The following ANKAR variants were observed in gnomAD, a reference collection of about 807,000 sequenced individuals.
ANKAR encodes the protein ankyrin and armadillo repeat containing.
In ANKAR, 136 loss-of-function variants were observed where a neutral mutation model predicts 146.2. The observed-to-expected ratio is 0.93, with a 90% CI of 0.81 to 1.07. ANKAR has a LOEUF of 1.07. Among genes scored for constraint, ANKAR ranks in the 50% least tolerant of loss-of-function variants. ANKAR has a pLI of 0.00. For synonymous variants in ANKAR, 500 were observed against 575.8 expected, an observed-to-expected ratio of 0.87 and a Z score of 1.88; for missense variants, 1,567 against 1,679.9, an observed-to-expected ratio of 0.93 and a Z score of 1.18.
chr2:189,733,247 T>C lies in ANKAR; in HGVS notation c.3423+18T>C. Reference sequence around the variant, plus strand: ...CAGAAAAGGTAATACCTTTACAAAATATTGAGGTTCATTTTGAAAAAAATG... The same window carrying C: ...CAGAAAAGGTAATACCTTTACAAAACATTGAGGTTCATTTTGAAAAAAATG... On this transcript the variant is annotated intron_variant, in intron 17 of 22. Transcript: ENST00000684021. The C allele has an allele frequency of 1.3e-6, 2 of 1,562,900 alleles. No homozygotes were observed. Among genetic ancestry groups the C allele is most frequent in the Non-Finnish European group, 1.7e-6 (2 of 1,156,472 alleles).
chr2:189,743,987 C>T (rs1219147873), intron 21 of ANKAR, among the ~76,000 whole-genome samples: 1 of 152,150 alleles, frequency 6.6e-6, no homozygotes, highest in Non-Finnish European at 1.5e-5. Context: ...ACAAACTTAA[C>T]TCCCCCCAAA....
At chr2:189,686,480 A>C (rs1408480672) in intron 2 of ANKAR, among the ~76,000 whole-genome samples, 2 of 152,222 alleles carry the variant, frequency 1.3e-5, no homozygotes, top group African/African-American at 2.4e-5. Flanking sequence ...GAGTAAAATC[A>C]AGTTTTAATT....
At chr2:189,745,149 C>A (rs1384780953) in intron 22 of ANKAR, among the ~76,000 whole-genome samples, 4 of 151,940 alleles carry the variant, frequency 2.6e-5, no homozygotes, top group Non-Finnish European at 5.9e-5. Context: ...TGAGATCGCA[C>A]CACTGCACTC....
At chr2:189,684,958 A>T (rs905533235) in intron 2 of ANKAR, among the ~76,000 whole-genome samples, 8 of 151,920 alleles carry the variant, frequency 5.3e-5, no homozygotes, top group Non-Finnish European at 1.2e-4. Flanking sequence ...CTTTCCTATG[A>T]CTGTACATAT....
At chr2:189,753,666 C>T (rs1338515391) in intron 18 of ANKAR, among the ~76,000 whole-genome samples, 1 of 151,978 alleles carries the variant, frequency 6.6e-6, no homozygotes, top group African/African-American at 2.4e-5. Context: ...TATTGTAAGC[C>T]CTCTTTTAAA....
Position 189,676,671 on chromosome 2 carries a change from G to C in ANKAR, c.181G>C (p.Val61Leu), listed in dbSNP as rs866627832. The C allele has an allele frequency of 5.0e-6, 8 of 1,614,048 alleles. No individual in the cohort carries two copies. Among genetic ancestry groups the C allele is most frequent in the African/African-American group, 1.3e-5 (1 of 74,904 alleles). Residue 61 changes from valine (V) to leucine (L), a missense_variant, in exon 2 of 23, where the codon GTG becomes CTG. Val to Leu is a conservative substitution (Grantham distance 32). Transcript: ENST00000684021. ...LVSWLSAKED[V>L]RSQVDLPCGI... is the part of the protein sequence containing the mutation. ...TAGCTGGTTGTCTGCCAAAGAGGAT[G>C]TGCGCTCTCAAGTAGACCTCCCATG... is the stretch of plus-strand genomic sequence containing the variant.
chr2:189,717,483 TTGG>T (rs1342593275), intron 10 of ANKAR, among the ~76,000 whole-genome samples: 4 of 152,162 alleles, frequency 2.6e-5, no homozygotes, highest in Non-Finnish European at 4.4e-5. Flanking sequence ...TTTTACACTA[TTGG>T]TGGGAGTGTA....
At chr2:189,742,962 AC>A (rs2043578318) in intron 20 of ANKAR, among the ~76,000 whole-genome samples, 3 of 135,816 alleles carry the variant, frequency 2.2e-5, no homozygotes, top group African/African-American at 5.4e-5. Context: ...ACACACACAC[AC>A]ACACACACAC....
chr2:189,719,704 C>T lies in ANKAR; in HGVS notation c.2357C>T (p.Pro786Leu), dbSNP rs2041009249. The change falls in exon 11 of 23, where the codon CCA becomes CTA. Residue 786 changes from proline to leucine, a missense_variant. Pro to Leu is a moderately conservative substitution (Grantham distance 98). Coordinates refer to ENST00000684021, the MANE Select transcript of ANKAR (RefSeq NM_001378068.1). The part of the protein sequence containing the change: ...VHALVEAGGI[P>L]SLINLLVCDE... ...GCTTTGGTAGAAGCGGGAGGCATTC[C>T]ATCTCTAATCAACCTACTGGTTTGT... The T allele has an allele frequency of 1.2e-6, 2 of 1,614,092 alleles. No homozygotes were observed. Among genetic ancestry groups the T allele is most frequent in the Non-Finnish European group, 1.7e-6 (2 of 1,179,980 alleles).
rs551548853 is a variant in ANKAR, at chr2:189,675,111, C to T, written c.-36+281C>T. 9.2e-5 allele frequency among the ~76,000 whole-genome samples: 14 copies of T among 152,232 alleles called. No homozygotes were observed. In the South Asian group the frequency reaches 2.9e-3, roughly 32 times the overall value. ...TTTACTAAAACGCATATTTTCTGGC[C>T]CCACTACAGCTCATTGAATCAGAAA... On this transcript the variant is annotated intron_variant, in intron 1 of 22. Transcript: ENST00000684021.
Position 189,719,827 on chromosome 2 carries a change from A to G in ANKAR, c.2466+14A>G, listed in dbSNP as rs879057254. On this transcript the variant is annotated intron_variant, in intron 11 of 22. Transcript: ENST00000684021. ...ATTGCCAAATATGTAAGTTCCTTTC[A>G]TATACAATTATTTTTGACTGACAAT... The G allele has an allele frequency of 6.5e-7, 1 of 1,538,194 alleles. No homozygotes were observed. Among genetic ancestry groups the G allele is most frequent in the Non-Finnish European group, 8.9e-7 (1 of 1,128,076 alleles).
In ANKAR at chr2:189,743,327, C is replaced by T. The variant is rs149628527; in HGVS notation, c.3863C>T (p.Ala1288Val). ...GGCTACTTAACATACAATGCAAATG[C>T]TTTCCGCATCCTATTAAAAGAATGC... ...ALGYLTYNAN[A>V]FRILLKECRN... is the part of the protein sequence containing the mutation. Residue 1288 changes from alanine (A) to valine (V), a missense_variant, in exon 21 of 23, where the codon GCT (alanine) becomes GTT (valine). Transcript: ENST00000684021. 30 of 1,613,912 alleles carry T rather than the reference C, an allele frequency of 1.9e-5. No homozygotes were observed. The African/African-American group carries it at 3.7e-4, about 20-fold the overall frequency.
chr2:189,696,240 A>G lies in ANKAR; in HGVS notation c.1579A>G (p.Asn527Asp), dbSNP rs746643058. 2 of 1,614,142 alleles carry G rather than the reference A, an allele frequency of 1.2e-6. No individual in the cohort carries two copies. Among genetic ancestry groups the G allele is most frequent in the South Asian group, 1.1e-5 (1 of 91,082 alleles). The change falls in exon 7 of 23, where the codon AAT (asparagine) becomes GAT (aspartate). Residue 527 changes from asparagine (N) to aspartate (D), a missense_variant. Transcript: ENST00000684021. The part of the protein sequence containing the change: ...FSRKTSSSTI[N>D]VSDEAGYTIF... ...CCGTAAAACCTCAAGCTCAACAATC[A>G]ATGTTTCAGATGAAGCAGGTTATAC...
intron 17 of ANKAR, among the ~76,000 whole-genome samples, chr2:189,735,768 A>G (rs1406947680): frequency 6.6e-6 from 1 of 152,208 alleles, no homozygotes; most frequent in Non-Finnish European, 1.5e-5. Flanking sequence ...AATATATGAA[A>G]TGGACCATTG....
At chr2:189,749,177 C>T (rs199554278), downstream of ANKAR, among the ~76,000 whole-genome samples, 25 of 132,398 alleles carry the variant, frequency 1.9e-4, no homozygotes, top group African/African-American at 5.9e-4. Flanking sequence ...ACCTGGCAGA[C>T]GGAGGTTGCA....
chr2:189,746,730 A>C (rs914568360), downstream of ANKAR: 1 of 1,253,802 alleles, frequency 8.0e-7, no homozygotes, highest in African/African-American at 1.5e-5. Context: ...ATCTTTTTGA[A>C]TGAAAGTTCT....
chr2:189,720,742 C>A lies in ANKAR; in HGVS notation c.2590C>A (p.His864Asn). The change falls in exon 12 of 23, where the codon CAT becomes AAT. Residue 864 changes from histidine (H) to asparagine (N), a missense_variant. Physicochemically the swap from His to Asn is moderately conservative, Grantham distance 68 (BLOSUM62 1). Coordinates refer to ENST00000684021, the MANE Select transcript of ANKAR (RefSeq NM_001378068.1). ...NENNQRAVREHKGLPYLIRFL... is the reference protein window; with the variant it reads ...NENNQRAVRENKGLPYLIRFL... The stretch of plus-strand genomic sequence containing the variant: ...AAACAATCAAAGAGCTGTGAGAGAA[C>A]ATAAAGGCCTCCCATATCTTATCAG... 4 of 1,517,468 alleles carry A rather than the reference C, an allele frequency of 2.6e-6. No individual in the cohort carries two copies. Among genetic ancestry groups the A allele is most frequent in the Admixed American group, 2.3e-5 (1 of 43,888 alleles). 94.0% of individuals were successfully genotyped at this position (1,517,468 alleles called of 1,614,324 possible).
chr2:189,696,057 A>G (rs2037151676), intron 6 of ANKAR, 93 bp from the exon 7 acceptor site: 2 of 1,075,724 alleles, frequency 1.9e-6, no homozygotes, highest in African/African-American at 1.6e-5. Flanking sequence ...AACAGCATTC[A>G]TGTGATTCTG....
Position 189,733,182 on chromosome 2 carries a change from G to A in ANKAR, c.3376G>A (p.Gly1126Arg). Residue 1126 changes from glycine to arginine, a missense_variant, in exon 17 of 23, where the codon GGA (glycine) becomes AGA (arginine). Coordinates refer to ENST00000684021, the MANE Select transcript of ANKAR (RefSeq NM_001378068.1). Reference sequence around the variant, plus strand: ...ACAGAAAGACTTACATGAAAATGAAGGATTTGAATATGCTGATGTCCTTTA... The same window carrying A: ...ACAGAAAGACTTACATGAAAATGAAAGATTTGAATATGCTGATGTCCTTTA... ...VLQKDLHENE[G>R]FEYADVLYLL... 1.2e-6 allele frequency: 2 copies of A among 1,611,814 alleles called. No individual in the cohort carries two copies. The highest frequency in any genetic ancestry group is 1.7e-6 in the Non-Finnish European group (2 of 1,178,764).
Sources: allele counts gnomAD v4.1 joint callset (sites outside exome capture counted in the v4.1 genomes callset), GRCh38; gene constraint gnomAD v4.1.1; transcripts MANE v1.5; gene names NCBI Gene and HGNC (gene_info 2026-07-23, HGNC 2026-07-21).